Variants in ALMS1 observed in about 807,000 individuals in gnomAD.
ALMS1 encodes ALMS1 centrosome and basal body associated protein, also known as centrosome-associated protein ALMS1.
A neutral mutation model predicts 352.2 loss-of-function variants in ALMS1; 271 were observed. The observed-to-expected ratio is 0.77, with a 90% CI of 0.70 to 0.85. The LOEUF is 0.85. Among genes scored for constraint, ALMS1 ranks in the 40% least tolerant of loss-of-function variants. The pLI is 0.00. For missense variants in ALMS1, 5,445 were observed against 4,870.7 expected (o/e 1.12, Z -3.51); for synonymous variants, 1,865 against 1,761.2 (o/e 1.06, Z -1.48).
intron 11 of ALMS1, among the ~76,000 whole-genome samples, chr2:73,523,672 C>T (rs185456364): frequency 0.016 from 2,473 of 152,006 alleles, 68 homozygotes; most frequent in African/African-American, 0.057. Flanking sequence ...GAGGCTGAGG[C>T]AGGAGAATTG....
chr2:73,567,698 G>T (rs949178986), intron 15 of ALMS1, among the ~76,000 whole-genome samples: 1 of 152,070 alleles, frequency 6.6e-6, no homozygotes, highest in Admixed American at 6.5e-5. Context: ...TTAGAGTATC[G>T]TGAGAATTTT....
chr2:73,491,128 T>A lies in ALMS1; in HGVS notation c.9169T>A (p.Ser3057Thr). Residue 3057 changes from serine to threonine, a missense_variant, in exon 10 of 23, where the codon TCC becomes ACC. Coordinates refer to ENST00000613296, the MANE Select transcript of ALMS1 (RefSeq NM_001378454.1). ...TATAACTCTTTGTCCCAAGACTTCT[T>A]CCAAGTTGGATAGTGGAACTTTAGA... Reference protein sequence around the residue: ...VHITLCPKTSSKLDSGTLDER... With the variant: ...VHITLCPKTSTKLDSGTLDER... The A allele has an allele frequency of 6.2e-7, 1 of 1,614,208 alleles. No homozygotes were observed. The highest frequency in any genetic ancestry group is 8.5e-7 in the Non-Finnish European group (1 of 1,180,028).
intron 16 of ALMS1, among the ~76,000 whole-genome samples, chr2:73,599,051 C>G (rs2104187521): frequency 6.6e-6 from 1 of 152,276 alleles, no homozygotes; most frequent in East Asian, 1.9e-4. Flanking sequence ...ATCTCCAGGC[C>G]TCTTTATCTC....
intron 9 of ALMS1, among the ~76,000 whole-genome samples, chr2:73,482,540 T>C (rs551934773): frequency 1.3e-5 from 2 of 151,960 alleles, no homozygotes; most frequent in Non-Finnish European, 2.9e-5. Flanking sequence ...TAAAATTCTC[T>C]TTTTTTGTTG....
At chr2:73,438,234 G>C (rs144645893) in intron 7 of ALMS1, among the ~76,000 whole-genome samples, 50 of 152,270 alleles carry the variant, frequency 3.3e-4, no homozygotes, top group African/African-American at 1.2e-3. Context: ...GTATTGAAAT[G>C]GTCCCTTGAT....
rs536156391 is a variant in ALMS1 at position 73,597,073 on chromosome 2, A to C, written c.11548-2328A>C. Among the ~76,000 whole-genome samples the C allele has an allele frequency of 2.6e-5, 4 of 152,084 alleles. No homozygotes were observed. The East Asian group carries it at 7.7e-4, about 29-fold the overall frequency. On this transcript the variant is annotated intron_variant, in intron 16 of 22. Coordinates refer to ENST00000613296, the MANE Select transcript of ALMS1 (RefSeq NM_001378454.1). Reference sequence around the variant, plus strand: ...CCAATCCATGTATGGTGAGTGTCTCACCATTTATATTGACTTCTGATGTCT... The same window carrying C: ...CCAATCCATGTATGGTGAGTGTCTCCCCATTTATATTGACTTCTGATGTCT...
intron 10 of ALMS1, among the ~76,000 whole-genome samples, chr2:73,498,225 G>C: frequency 6.6e-6 from 1 of 151,526 alleles, no homozygotes; most frequent in Admixed American, 6.6e-5. Flanking sequence ...GCTCTGGGTG[G>C]TGATTGCTAA....
intron 11 of ALMS1, among the ~76,000 whole-genome samples, chr2:73,529,857 TG>T (rs1673871278): frequency 2.0e-5 from 3 of 152,134 alleles, no homozygotes; most frequent in Admixed American, 2.0e-4. Flanking sequence ...ACGTCTTACA[TG>T]GGGGCAGGAG....
intron 1 of ALMS1, among the ~76,000 whole-genome samples, chr2:73,391,492 A>ACC (rs1670644937): frequency 6.6e-6 from 1 of 151,564 alleles, no homozygotes; most frequent in East Asian, 1.9e-4. Flanking sequence ...ACGGGGTTTC[A>ACC]CCGTGTTAGC....
At chr2:73,430,932 T>C (rs1323467183) in intron 6 of ALMS1, among the ~76,000 whole-genome samples, 1 of 151,976 alleles carries the variant, frequency 6.6e-6, no homozygotes, top group African/African-American at 2.4e-5. Context: ...TATATATGTG[T>C]ATATATATAG....
At chr2:73,405,224 C>CT (rs1302278968) in intron 1 of ALMS1, among the ~76,000 whole-genome samples, 1 of 151,890 alleles carries the variant, frequency 6.6e-6, no homozygotes, top group Admixed American at 6.6e-5. Context: ...ATGGGCTTTT[C>CT]TTTTGTGGGA....
rs1558647685 is a variant in ALMS1, at chr2:73,448,539, A to G, written c.2012A>G (p.His671Arg). 2.5e-6 allele frequency: 4 copies of G among 1,613,914 alleles called. No homozygotes were observed. Among genetic ancestry groups the G allele is most frequent in the Non-Finnish European group, 2.5e-6 (3 of 1,179,918 alleles). The change falls in exon 8 of 23, where the codon CAT (histidine) becomes CGT (arginine). Residue 671 changes from histidine (H) to arginine (R), a missense_variant. By Grantham distance (29) the His-to-Arg change is conservative. Coordinates refer to ENST00000613296, the MANE Select transcript of ALMS1 (RefSeq NM_001378454.1). ...ACAGTATCCTCTACATCCCACTCAC[A>G]TGTAGAGGACCTCCTCTTTTTCTAT... ...IPTVSSTSHS[H>R]VEDLLFFYRQ...
In ALMS1 at chr2:73,451,482, A is replaced by C; in HGVS notation, c.4955A>C (p.Asp1652Ala). ...GTTTCAGCTGCTCCTGGACCAGCTG[A>C]CCAGAAGACTGAGACATTACCAGTA... ...VKVSAAPGPA[D>A]QKTETLPVHS... Residue 1652 changes from aspartate (D) to alanine (A), a missense_variant, in exon 8 of 23, where the codon GAC (aspartate) becomes GCC (alanine). Asp to Ala is a moderately radical substitution (Grantham distance 126). Coordinates refer to ENST00000613296, the MANE Select transcript of ALMS1 (RefSeq NM_001378454.1). 1 of 1,614,094 alleles carries C rather than the reference A, an allele frequency of 6.2e-7. No individual in the cohort carries two copies. The highest frequency in any genetic ancestry group is 1.1e-5 in the South Asian group (1 of 91,078).
chr2:73,426,616 T>A lies in ALMS1; in HGVS notation c.1338+63T>A, dbSNP rs1322368820. 12 of 1,505,340 alleles carry A rather than the reference T, an allele frequency of 8.0e-6. No homozygotes were observed. The East Asian group carries it at 2.0e-4, about 25-fold the overall frequency. The allele number at this position is 1,505,340 out of a possible 1,614,324, so 93.2% of individuals were successfully genotyped here. Reference sequence around the variant, plus strand: ...CCTTTTTCAGTATTGTTTCAGGAAATGGTATTGTTTGTTTTTATTTTACTT... The same window carrying A: ...CCTTTTTCAGTATTGTTTCAGGAAAAGGTATTGTTTGTTTTTATTTTACTT... On this transcript the variant is annotated intron_variant, in intron 6 of 22. Coordinates refer to ENST00000613296, the MANE Select transcript of ALMS1 (RefSeq NM_001378454.1).
At chr2:73,601,854 G>A (rs1169148126) in intron 19 of ALMS1, among the ~76,000 whole-genome samples, 2 of 152,224 alleles carry the variant, frequency 1.3e-5, no homozygotes, top group Non-Finnish European at 2.9e-5. Flanking sequence ...GGGGATAAAG[G>A]AAATGTTATT....
At chr2:73,513,879 C>T (rs911334688) in intron 10 of ALMS1, among the ~76,000 whole-genome samples, 2 of 152,092 alleles carry the variant, frequency 1.3e-5, no homozygotes, top group Non-Finnish European at 2.9e-5. Context: ...CCTTCCTTAC[C>T]CTAATGAGAT....
chr2:73,471,990 A>G (rs144987600), intron 9 of ALMS1, among the ~76,000 whole-genome samples: 1 of 152,206 alleles, frequency 6.6e-6, no homozygotes, highest in East Asian at 1.9e-4. Context: ...AATGTGGTAT[A>G]TACATACAAT....
At chr2:73,557,466 A>G in intron 14 of ALMS1, 112 bp downstream of exon 14, 1 of 1,392,078 alleles carries the variant, frequency 7.2e-7, no homozygotes, top group Non-Finnish European at 1.0e-6. Context: ...TGCTGTCTTC[A>G]GCTCTCTTCT....
chr2:73,448,876 A>G lies in ALMS1; in HGVS notation c.2349A>G (p.Leu783=), dbSNP rs1246528078. The G allele has an allele frequency of 1.2e-6, 2 of 1,613,852 alleles. No individual in the cohort carries two copies. Among genetic ancestry groups the G allele is most frequent in the Non-Finnish European group, 1.7e-6 (2 of 1,179,974 alleles). The part of the protein sequence containing the change: ...LYPQDLADSH[L]PEEGLKVSAV... ...CACAGGACTTAGCAGACAGTCATCTACCTGAAGAGGGTCTGAAAGTTTCAG... is the reference window on the plus strand; with the variant it reads ...CACAGGACTTAGCAGACAGTCATCTGCCTGAAGAGGGTCTGAAAGTTTCAG... Residue 783 remains leucine, a synonymous_variant, in exon 8 of 23, where the codon CTA becomes CTG. Coordinates refer to ENST00000613296, the MANE Select transcript of ALMS1 (RefSeq NM_001378454.1).
Sources: allele counts gnomAD v4.1 joint callset (sites outside exome capture counted in the v4.1 genomes callset), GRCh38; gene constraint gnomAD v4.1.1; transcripts MANE v1.5; gene names NCBI Gene and HGNC (gene_info 2026-07-23, HGNC 2026-07-21).